Variants in ATP13A4 observed in about 807,000 individuals in gnomAD.
The protein encoded by ATP13A4 is ATPase 13A4.
ATP13A4 carries 114 observed loss-of-function variants against 142.5 expected under a neutral mutation model. The observed-to-expected ratio is 0.80, with a 90% confidence interval of 0.69 to 0.93. The LOEUF (loss-of-function observed/expected upper bound fraction) is 0.93, where lower values mean the gene tolerates loss of function less well. ATP13A4 is among the 40% of genes least tolerant of loss of function. The pLI, the probability that ATP13A4 is intolerant of heterozygous loss-of-function variation, is 0.00. For synonymous variants in ATP13A4, 488 were observed against 514.8 expected (o/e 0.95, Z 0.70); for missense variants, 1,392 against 1,454.0 (o/e 0.96, Z 0.69).
intron 28 of ATP13A4, among the ~76,000 whole-genome samples, chr3:193,410,300 A>G (rs1454716092): frequency 6.6e-6 from 1 of 152,198 alleles, no homozygotes; most frequent in Non-Finnish European, 1.5e-5. Flanking sequence ...TAACCAAAAA[A>G]AAAGCTATAG....
intron 18 of ATP13A4, among the ~76,000 whole-genome samples, chr3:193,443,785 A>T (rs1716793137): frequency 6.6e-6 from 1 of 152,214 alleles, no homozygotes. Context: ...ACAAGAAAAT[A>T]TAAACTGTGG....
At chr3:193,471,101 T>C in intron 8 of ATP13A4, 108 bp from the exon 9 acceptor site, 2 of 1,486,180 alleles carry the variant, frequency 1.3e-6, no homozygotes, top group South Asian at 1.1e-5. Context: ...GACATTTTTT[T>C]TTTAGAAAGG....
At chr3:193,427,247 G>C (rs1329821961) in intron 25 of ATP13A4, among the ~76,000 whole-genome samples, 1 of 152,098 alleles carries the variant, frequency 6.6e-6, no homozygotes, top group Non-Finnish European at 1.5e-5. Flanking sequence ...ACTTACAAGG[G>C]ATGTGAAGGA....
At chr3:193,427,394 T>A (rs898707234) in intron 25 of ATP13A4, among the ~76,000 whole-genome samples, 2 of 152,134 alleles carry the variant, frequency 1.3e-5, no homozygotes, top group Non-Finnish European at 2.9e-5. Flanking sequence ...ATTTATAGAT[T>A]CAATGCCATC....
intron 25 of ATP13A4, among the ~76,000 whole-genome samples, chr3:193,421,917 T>C (rs188310266): frequency 6.7e-6 from 1 of 149,734 alleles, no homozygotes; most frequent in East Asian, 2.1e-4. Context: ...AATAACAAAG[T>C]GGCAATAGTA....
intron 1 of ATP13A4, among the ~76,000 whole-genome samples, chr3:193,548,833 G>A (rs549159400): frequency 3.9e-5 from 6 of 152,290 alleles, no homozygotes; most frequent in East Asian, 3.9e-4. Context: ...TAGGTTCTCC[G>A]AAATGACATG....
intron 2 of ATP13A4, among the ~76,000 whole-genome samples, chr3:193,511,786 C>T (rs1412657957): frequency 2.0e-5 from 3 of 151,976 alleles, no homozygotes; most frequent in Admixed American, 6.5e-5. Context: ...CACACTGCCC[C>T]ATTTTACAAG....
intron 1 of ATP13A4, among the ~76,000 whole-genome samples, chr3:193,520,082 G>A (rs1223536352): frequency 2.6e-5 from 4 of 152,094 alleles, no homozygotes; most frequent in Non-Finnish European, 5.9e-5. Flanking sequence ...TACATTATCT[G>A]CATGTAGTGG....
At chr3:193,460,066 A>G (rs1351945807) in intron 13 of ATP13A4, among the ~76,000 whole-genome samples, 1 of 152,082 alleles carries the variant, frequency 6.6e-6, no homozygotes, top group Admixed American at 6.5e-5. Context: ...TTCATCCTAC[A>G]TTGGGGCAGA....
intron 25 of ATP13A4, among the ~76,000 whole-genome samples, chr3:193,418,483 T>A (rs1317527941): frequency 6.7e-6 from 1 of 149,524 alleles, no homozygotes; most frequent in East Asian, 2.1e-4. Flanking sequence ...AGAAACCCTG[T>A]AGAGCACAGA....
chr3:193,570,848 G>T (rs1378187692), intron 2 of ATP13A4, among the ~76,000 whole-genome samples: 1 of 152,126 alleles, frequency 6.6e-6, no homozygotes, highest in Non-Finnish European at 1.5e-5. Flanking sequence ...CATGAGGATG[G>T]TTGCTAATAT....
At chr3:193,406,003 AG>A (rs1714473494) in intron 29 of ATP13A4, among the ~76,000 whole-genome samples, 1 of 152,240 alleles carries the variant, frequency 6.6e-6, no homozygotes, top group Admixed American at 6.5e-5. Flanking sequence ...GTTGCTTTAG[AG>A]ACCATATGGT....
At chr3:193,533,292 A>G (rs940284739) in intron 1 of ATP13A4, among the ~76,000 whole-genome samples, 3 of 152,072 alleles carry the variant, frequency 2.0e-5, no homozygotes, top group African/African-American at 7.2e-5. Flanking sequence ...ACTTTTTCCA[A>G]TTTCTCTCAA....
chr3:193,463,161 T>A (rs1366377779), intron 12 of ATP13A4, among the ~76,000 whole-genome samples: 3 of 152,138 alleles, frequency 2.0e-5, no homozygotes, highest in African/African-American at 7.2e-5. Flanking sequence ...TCATGCCAGT[T>A]GTCTAACAAG....
At chr3:193,513,556 T>A (rs375592036) in intron 2 of ATP13A4, among the ~76,000 whole-genome samples, 1 of 152,138 alleles carries the variant, frequency 6.6e-6, no homozygotes, top group African/African-American at 2.4e-5. Context: ...ATGCAGGAAC[T>A]GGGGGTGCAG....
chr3:193,520,737 T>G (rs1196808280), intron 1 of ATP13A4, among the ~76,000 whole-genome samples: 1 of 152,190 alleles, frequency 6.6e-6, no homozygotes, highest in Non-Finnish European at 1.5e-5. Flanking sequence ...TCTCCAACAA[T>G]GACTACTGGC....
chr3:193,414,835 T>A, intron 25 of ATP13A4, 85 bp from the exon 26 acceptor site: 1 of 1,361,412 alleles, frequency 7.3e-7, no homozygotes, highest in Non-Finnish European at 1.0e-6. Flanking sequence ...CATTGGCCCA[T>A]ACATTTGAGG....
chr3:193,436,639 A>G (rs2108618909), intron 23 of ATP13A4, among the ~76,000 whole-genome samples: 1 of 151,468 alleles, frequency 6.6e-6, no homozygotes, highest in East Asian at 2.0e-4. Context: ...TTTAATAGAG[A>G]CTGGGTTTCA....
chr3:193,441,042 C>T (rs1716608448), intron 20 of ATP13A4, among the ~76,000 whole-genome samples: 1 of 151,854 alleles, frequency 6.6e-6, no homozygotes, highest in African/African-American at 2.4e-5. Context: ...TAAAACTTAC[C>T]TCCCCCGACT....
Sources: allele counts gnomAD v4.1 joint callset (sites outside exome capture counted in the v4.1 genomes callset), GRCh38; gene constraint gnomAD v4.1.1; transcripts MANE v1.5; gene names NCBI Gene and HGNC (gene_info 2026-07-23, HGNC 2026-07-21).